The following DHX34 variants were observed in gnomAD, a reference collection of about 807,000 sequenced individuals.
The protein encoded by DHX34 is DExH-box helicase 34, also known as probable ATP-dependent RNA helicase DHX34.
DHX34 carries 96 observed loss-of-function variants against 111.1 expected under a neutral mutation model. The ratio of observed to expected loss-of-function variants is 0.86; its 90% confidence interval spans 0.73 to 1.02. The LOEUF (loss-of-function observed/expected upper bound fraction) is 1.02. DHX34 is among the 50% of genes least tolerant of loss of function. The probability of loss-of-function intolerance (pLI) is 0.00; values close to 1 mark genes in which losing one functional copy is unlikely to be tolerated. For missense variants in DHX34, 1,560 were observed against 1,579.9 expected (o/e 0.99, Z 0.21); for synonymous variants, 688 against 670.4 (o/e 1.03, Z -0.41).
intron 7 of DHX34, among the ~76,000 whole-genome samples, chr19:47,368,224 C>T (rs1305575470): frequency 3.4e-5 from 5 of 148,268 alleles, no homozygotes; most frequent in East Asian, 2.0e-4. Flanking sequence ...TGAGGAGCCC[C>T]GTGTGGCTGC....
chr19:47,376,787 T>C, intron 12 of DHX34: 2 of 1,494,014 alleles, frequency 1.3e-6, no homozygotes, highest in Non-Finnish European at 1.8e-6. Flanking sequence ...CCTAAGCCAG[T>C]GTGGCTGTGC....
chr19:47,365,013 T>C (rs937243963), intron 6 of DHX34, among the ~76,000 whole-genome samples: 1 of 152,016 alleles, frequency 6.6e-6, no homozygotes, highest in Non-Finnish European at 1.5e-5. Flanking sequence ...CAGGAACATT[T>C]TCTAGACTCC....
rs1009243052 is a variant in DHX34, at chr19:47,360,147, CA to C, written c.1375+78del. ...GGGGTCCGGAGGTGTGCGTGTGTGG[CA>C]GGGGCGCACCAGCTTGGATTGGGAA... On this transcript the variant is annotated intron_variant, in intron 5 of 16. Transcript: ENST00000328771. The C allele has an allele frequency of 5.8e-6, 8 of 1,382,054 alleles. No homozygotes were observed. The Admixed American group carries it at 6.8e-5, about 12-fold the overall frequency. The allele number at this position is 1,382,054 out of a possible 1,614,324, so 85.6% of individuals were successfully genotyped here.
chr19:47,373,645 G>A lies in DHX34; in HGVS notation c.2009G>A (p.Arg670Gln), dbSNP rs138025146. The A allele has an allele frequency of 4.6e-4, 735 of 1,614,044 alleles. No individual in the cohort carries two copies. The highest frequency in any genetic ancestry group is 5.9e-4 in the Non-Finnish European group (699 of 1,179,990). ...AACTCTCGCAAGTGGTGCCGCCGCCGGGGCATAGAGGAGCATCGACTGTAC... is the reference window on the plus strand; with the variant it reads ...AACTCTCGCAAGTGGTGCCGCCGCCAGGGCATAGAGGAGCATCGACTGTAC... ...SRNSRKWCRR[R>Q]GIEEHRLYEM... The change falls in exon 9 of 17, where the codon CGG (arginine) becomes CAG (glutamine). Residue 670 changes from arginine (R) to glutamine (Q), a missense_variant. By Grantham distance (43) the Arg-to-Gln change is conservative. Coordinates refer to ENST00000328771, the MANE Select transcript of DHX34 (RefSeq NM_014681.6).
Position 47,376,475 on chromosome 19 carries a change from G to A in DHX34, c.2514G>A (p.Val838=), listed in dbSNP as rs201990186. 6.9e-5 allele frequency: 111 copies of A among 1,611,052 alleles called. No individual in the cohort carries two copies. The highest frequency in any genetic ancestry group is 3.3e-4 in the Middle Eastern group (2 of 5,992). The change falls in exon 12 of 17, where the codon GTG becomes GTA. Residue 838 remains valine, a synonymous_variant. Coordinates refer to ENST00000328771, the MANE Select transcript of DHX34 (RefSeq NM_014681.6). The stretch of plus-strand genomic sequence containing the variant: ...ACACGCAGGCCAAGCAGGGCGCCGT[G>A]CTGCACCCCACCTGCGTCTTCGCTG... ...IFHTQAKQGA[V]LHPTCVFAGS... is the part of the protein sequence containing the mutation.
intron 8 of DHX34, chr19:47,373,358 A>C: frequency 7.6e-6 from 4 of 526,948 alleles, no homozygotes; most frequent in Non-Finnish European, 9.7e-6. Context: ...TGACAGTGAC[A>C]ACCCAGAGAG....
chr19:47,376,677 G>C (rs569720282), intron 12 of DHX34, 117 bp downstream of exon 12: 1 of 1,468,068 alleles, frequency 6.8e-7, no homozygotes, highest in Non-Finnish European at 9.1e-7. Context: ...GTATTGACGG[G>C]GGCCCACAGG....
intron 9 of DHX34, among the ~76,000 whole-genome samples, chr19:47,374,307 C>T (rs1943370014): frequency 6.6e-6 from 1 of 151,806 alleles, no homozygotes. Context: ...CATGGTGGCA[C>T]GTGCCTGTAA....
chr19:47,360,808 A>T (rs190400974), intron 5 of DHX34, among the ~76,000 whole-genome samples: 97 of 152,052 alleles, frequency 6.4e-4, no homozygotes, highest in South Asian at 6.2e-3. Context: ...AGTAGCTGGG[A>T]TTACAGACAT....
chr19:47,381,458 CCA>C, intron 16 of DHX34, 134 bp downstream of exon 16: 1 of 1,297,794 alleles, frequency 7.7e-7, no homozygotes, highest in Non-Finnish European at 1.0e-6. Flanking sequence ...CTGGCTGGTG[CCA>C]CACACAGGCC....
In DHX34 at chr19:47,372,863, G is replaced by A. The variant is rs529993771; in HGVS notation, c.1902G>A (p.Pro634=). ...SSPECAAARR[P]LESDQGDPFT... ...CAGAGTGCGCGGCAGCACGGCGGCC[G>A]CTGGAGAGCGACCAGGGTGACCCCT... Residue 634 remains proline, a synonymous_variant, in exon 8 of 17, where the codon CCG becomes CCA. Transcript: ENST00000328771. 10 of 1,610,710 alleles carry A rather than the reference G, an allele frequency of 6.2e-6. No homozygotes were observed. Among genetic ancestry groups the A allele is most frequent in the African/African-American group, 1.3e-5 (1 of 74,930 alleles).
Position 47,379,940 on chromosome 19 carries a change from G to T in DHX34, c.2937G>T (p.Glu979Asp). The change falls in exon 14 of 17, where the codon GAG becomes GAT. Residue 979 changes from glutamate to aspartate, a missense_variant. By Grantham distance (45) the Glu-to-Asp change is conservative. Transcript: ENST00000328771. Reference sequence around the variant, plus strand: ...AGGATACGCCAGTCAGCCCCAAGGAGGTGGCCACCCTGAGCAAGGAACTCC... The same window carrying T: ...AGGATACGCCAGTCAGCCCCAAGGATGTGGCCACCCTGAGCAAGGAACTCC... ...EEEDTPVSPKEVATLSKELLQ... is the reference protein window; with the variant it reads ...EEEDTPVSPKDVATLSKELLQ... 1 of 1,604,432 alleles carries T rather than the reference G, an allele frequency of 6.2e-7. No individual in the cohort carries two copies. Among genetic ancestry groups the T allele is most frequent in the Non-Finnish European group, 8.5e-7 (1 of 1,172,170 alleles).
At chr19:47,362,841 G>A (rs2122257818) in intron 6 of DHX34, 148 bp downstream of exon 6, 1 of 735,460 alleles carries the variant, frequency 1.4e-6, no homozygotes, top group Non-Finnish European at 2.0e-6. Flanking sequence ...TGTGATCATG[G>A]CTCACTGCAG....
chr19:47,370,676 T>G (rs1050430540), intron 7 of DHX34, among the ~76,000 whole-genome samples: 12 of 50,394 alleles, frequency 2.4e-4, no homozygotes, highest in African/African-American at 3.7e-4. Context: ...TTTGTTTTAT[T>G]TATTTATTTA....
Position 47,357,880 on chromosome 19 carries a change from G to A in DHX34, c.1032G>A (p.Pro344=), listed in dbSNP as rs1049268889. Residue 344 remains proline (P), a synonymous_variant, in exon 4 of 17, where the codon CCG becomes CCA. Coordinates refer to ENST00000328771, the MANE Select transcript of DHX34 (RefSeq NM_014681.6). The part of the protein sequence containing the change: ...RLFPITVVYQ[P]QEAEPTTSKS... ...TCTCCTCTCAGGTTGTGTACCAGCCGCAGGAGGCGGAGCCGACCACGTCCA... is the reference window on the plus strand; with the variant it reads ...TCTCCTCTCAGGTTGTGTACCAGCCACAGGAGGCGGAGCCGACCACGTCCA... 9.3e-6 allele frequency: 15 copies of A among 1,612,998 alleles called. No individual in the cohort carries two copies. Among genetic ancestry groups the A allele is most frequent in the Admixed American group, 3.3e-5 (2 of 59,940 alleles).
intron 1 of DHX34, among the ~76,000 whole-genome samples, chr19:47,351,714 A>G (rs1444258359): frequency 6.6e-6 from 1 of 152,164 alleles, no homozygotes; most frequent in Non-Finnish European, 1.5e-5. Context: ...AAATTCCACA[A>G]AAGGGCCCTG....
In DHX34 at chr19:47,377,321, G is replaced by T. The variant is rs995471835; in HGVS notation, c.2706+115G>T. 5.0e-5 allele frequency: 54 copies of T among 1,089,258 alleles called. No individual in the cohort carries two copies. The East Asian group carries it at 9.9e-4, about 20-fold the overall frequency. 67.5% of individuals were successfully genotyped at this position (1,089,258 alleles called of 1,614,324 possible). On this transcript the variant is annotated intron_variant, in intron 13 of 16. Coordinates refer to ENST00000328771, the MANE Select transcript of DHX34 (RefSeq NM_014681.6). ...GGGCCACCTGGCACCTGGGCTGGCC[G>T]CAGGCGTCAGCCTTGGGCCGTTGCT...
At chr19:47,377,058 G>C (rs1970187214) in intron 12 of DHX34, 42 bp from the exon 13 acceptor site, 20 of 1,612,464 alleles carry the variant, frequency 1.2e-5, no homozygotes, top group Non-Finnish European at 1.6e-5. Context: ...ATGGGCCTGG[G>C]TGGGCCAGGG....
chr19:47,373,671 G>A lies in DHX34; in HGVS notation c.2035G>A (p.Glu679Lys), dbSNP rs771101635. The change falls in exon 9 of 17, where the codon GAA becomes AAA. Residue 679 changes from glutamate to lysine, a missense_variant. Transcript: ENST00000328771. ...GGGCATAGAGGAGCATCGACTGTAC[G>A]AAATGGCCAACCTTCGGCGCCAGTT... is the stretch of plus-strand genomic sequence containing the variant. ...RRGIEEHRLY[E>K]MANLRRQFKE... The A allele has an allele frequency of 1.9e-6, 3 of 1,613,988 alleles. No homozygotes were observed. Among genetic ancestry groups the A allele is most frequent in the South Asian group, 1.1e-5 (1 of 91,078 alleles).
Sources: gnomAD v4.1 joint callset for allele counts (sites outside exome capture counted in the v4.1 genomes callset) on GRCh38, gnomAD v4.1.1 for gene constraint, MANE v1.5 for transcripts, NCBI Gene and HGNC (gene_info 2026-07-23, HGNC 2026-07-21) for gene names.